The following RYR2 variants were observed in gnomAD, a reference collection of about 807,000 sequenced individuals.
RYR2 encodes the protein ryanodine receptor 2.
A neutral mutation model predicts 601.1 loss-of-function variants in RYR2; 227 were observed. The observed-to-expected ratio is 0.38, with a 90% confidence interval of 0.34 to 0.42. The LOEUF is 0.42. Among genes scored for constraint, RYR2 ranks in the 10% least tolerant of loss-of-function variants. RYR2 has a pLI of 1.00. For synonymous variants in RYR2, 2,223 were observed against 2,175.1 expected (o/e 1.02, Z -0.61); for missense variants, 4,646 against 6,156.5 (o/e 0.75, Z 8.21).
intron 15 of RYR2, among the ~76,000 whole-genome samples, chr1:237,455,568 AAAAT>A (rs1262931955): frequency 1.3e-5 from 2 of 152,176 alleles, no homozygotes; most frequent in African/African-American, 4.8e-5. Context: ...CCCAAAGCCT[AAAAT>A]AAAAGTTGTG....
In RYR2 at chr1:237,707,192, C is replaced by G. The variant is rs756918556; in HGVS notation, c.9824C>G (p.Thr3275Arg). The stretch of plus-strand genomic sequence containing the variant: ...GCCCTGAACTCAGAGCACATGAACA[C>G]ACTTCTAGGGAACATATTGAAAATC... Reference protein sequence around the residue: ...CTALNSEHMNTLLGNILKIIY... With the variant: ...CTALNSEHMNRLLGNILKIIY... Residue 3275 changes from threonine (T) to arginine (R), a missense_variant, in exon 68 of 105, where the codon ACA becomes AGA. Physicochemically the swap from Thr to Arg is moderately conservative, Grantham distance 71. This residue lies in a region of RYR2 where 1,497 missense variants were observed against 1,842.6 expected (regional missense o/e 0.81). Coordinates refer to ENST00000366574, the MANE Select transcript of RYR2 (RefSeq NM_001035.3). The G allele has an allele frequency of 6.2e-7, 1 of 1,612,324 alleles. No individual in the cohort carries two copies. Among genetic ancestry groups the G allele is most frequent in the Non-Finnish European group, 8.5e-7 (1 of 1,178,656 alleles).
At chr1:237,769,077 G>A (rs1378501769) in intron 84 of RYR2, among the ~76,000 whole-genome samples, 1 of 152,062 alleles carries the variant, frequency 6.6e-6, no homozygotes, top group Non-Finnish European at 1.5e-5. Flanking sequence ...TTTCTAGTAA[G>A]GGTTACTTCT....
chr1:237,107,852 G>A lies in RYR2; in HGVS notation c.48+65283G>A, dbSNP rs115327170. Among the ~76,000 whole-genome samples the A allele has an allele frequency of 9.7e-3, 1,473 of 152,298 alleles. 25 individuals are homozygous for A. The highest frequency in any genetic ancestry group is 0.033 in the African/African-American group (1,353 of 41,564). ...CATCCACCTCCCCTGCACAGGCTGG[G>A]CTCCTCCCTCCTTCCCTGGGGTTCC... is the stretch of plus-strand genomic sequence containing the variant. On this transcript the variant is annotated intron_variant, in intron 1 of 104. Coordinates refer to ENST00000366574, the MANE Select transcript of RYR2 (RefSeq NM_001035.3).
intron 63 of RYR2, among the ~76,000 whole-genome samples, chr1:237,692,364 TC>T (rs1687019066): frequency 6.6e-6 from 1 of 152,176 alleles, no homozygotes; most frequent in South Asian, 2.1e-4. Flanking sequence ...TCTCTCTGAA[TC>T]CCCTCCTGCT....
chr1:237,262,248 T>G (rs947346838), intron 1 of RYR2, among the ~76,000 whole-genome samples: 5 of 90,980 alleles, frequency 5.5e-5, no homozygotes, highest in African/African-American at 2.1e-4. Context: ...CTAAAGAGTT[T>G]TTTTTTTTTT....
chr1:237,502,335 C>T (rs1273556856), intron 21 of RYR2, among the ~76,000 whole-genome samples: 1 of 152,078 alleles, frequency 6.6e-6, no homozygotes, highest in African/African-American at 2.4e-5. Flanking sequence ...AGTTCTTTTT[C>T]GTTGTTGAGA....
chr1:237,817,602 A>G (rs989950331), intron 100 of RYR2, among the ~76,000 whole-genome samples: 1 of 152,218 alleles, frequency 6.6e-6, no homozygotes, highest in Non-Finnish European at 1.5e-5. Flanking sequence ...GGAAATAGAA[A>G]TGAGTATAAT....
intron 3 of RYR2, among the ~76,000 whole-genome samples, chr1:237,345,781 T>C (rs1698251902): frequency 6.6e-6 from 1 of 152,152 alleles, no homozygotes; most frequent in Non-Finnish European, 1.5e-5. Flanking sequence ...TAATACCACA[T>C]TTATCACTGT....
chr1:237,061,253 C>CTATCT (rs1553275422), intron 1 of RYR2, among the ~76,000 whole-genome samples: 2 of 75,698 alleles, frequency 2.6e-5, no homozygotes, highest in African/African-American at 8.6e-5. Context: ...ATCTATCTAT[C>CTATCT]ATCTATCTAT....
At chr1:237,617,242 A>T (rs1678575819) in intron 37 of RYR2, 44 bp from the exon 38 acceptor site, 1 of 1,500,910 alleles carries the variant, frequency 6.7e-7, no homozygotes, top group African/African-American at 1.4e-5. Flanking sequence ...ACATTATTAA[A>T]GGATTTAGAA....
At chr1:237,820,204 A>G (rs1305034550) in intron 101 of RYR2, among the ~76,000 whole-genome samples, 1 of 151,256 alleles carries the variant, frequency 6.6e-6, no homozygotes, top group African/African-American at 2.4e-5. Context: ...AAAAAAAAAA[A>G]AAAGGTGGGG....
chr1:237,671,194 C>T (rs1040671868), intron 58 of RYR2, among the ~76,000 whole-genome samples: 37 of 152,224 alleles, frequency 2.4e-4, no homozygotes, highest in African/African-American at 8.4e-4. Context: ...AGTTTAGAAC[C>T]AAAATGGCAG....
intron 10 of RYR2, among the ~76,000 whole-genome samples, chr1:237,401,576 G>A (rs183684529): frequency 2.8e-4 from 42 of 152,274 alleles, no homozygotes; most frequent in East Asian, 1.2e-3. Context: ...AGAGCTTCTC[G>A]TTCCCTGTGG....
intron 2 of RYR2, among the ~76,000 whole-genome samples, chr1:237,275,118 A>G (rs906433838): frequency 5.3e-5 from 8 of 151,950 alleles, no homozygotes; most frequent in African/African-American, 1.9e-4. Flanking sequence ...ACACATACAC[A>G]CCGCACACAT....
intron 1 of RYR2, among the ~76,000 whole-genome samples, chr1:237,252,590 TG>T (rs796845675): frequency 5.9e-5 from 9 of 152,340 alleles, no homozygotes; most frequent in African/African-American, 2.2e-4. Context: ...TCTTATGTGT[TG>T]AATGAATGAA....
chr1:237,113,059 T>C (rs1207297423), intron 1 of RYR2, among the ~76,000 whole-genome samples: 1 of 152,200 alleles, frequency 6.6e-6, no homozygotes, highest in African/African-American at 2.4e-5. Context: ...TCAGTAGGAA[T>C]TGAGAACAAA....
chr1:237,303,296 T>A (rs1248254611), intron 2 of RYR2, among the ~76,000 whole-genome samples: 2 of 127,508 alleles, frequency 1.6e-5, no homozygotes, highest in Admixed American at 7.4e-5. Flanking sequence ...GGTTATCTTT[T>A]TTTTTTTTTT....
intron 10 of RYR2, among the ~76,000 whole-genome samples, chr1:237,398,778 C>CTTGTACACAAGTAT (rs1214736425): frequency 2.6e-5 from 4 of 152,330 alleles, no homozygotes; most frequent in African/African-American, 9.6e-5. Flanking sequence ...CACACAAAAA[C>CTTGTACACAAGTAT]TTGTACACAA....
At chr1:237,134,705 T>C (rs975691712) in intron 1 of RYR2, among the ~76,000 whole-genome samples, 2 of 152,190 alleles carry the variant, frequency 1.3e-5, no homozygotes, top group Admixed American at 6.5e-5. Flanking sequence ...CAGGGTGAAA[T>C]AGAATTTAAT....
Sources: gnomAD v4.1 joint callset for allele counts (sites outside exome capture counted in the v4.1 genomes callset) on GRCh38, gnomAD v4.1.1 for gene constraint, gnomAD v4.1.1 regional missense constraint, MANE v1.5 for transcripts, NCBI Gene and HGNC (gene_info 2026-07-23, HGNC 2026-07-21) for gene names.